Variants in PRKD3 observed in about 807,000 individuals in gnomAD.
PRKD3 encodes the protein protein kinase D3.
In PRKD3, 47 loss-of-function variants were observed where a neutral mutation model predicts 99.2. That is an observed-to-expected ratio of 0.47 (90% CI 0.38 to 0.60). PRKD3 has a LOEUF of 0.60. Among genes scored for constraint, PRKD3 ranks in the 20% least tolerant of loss-of-function variants. PRKD3 has a pLI of 0.00. For synonymous variants in PRKD3, 392 were observed against 355.4 expected, an observed-to-expected ratio of 1.10 and a Z score of -1.16; for missense variants, 1,019 against 1,088.4, an observed-to-expected ratio of 0.94 and a Z score of 0.90.
chr2:37,266,997 T>C (rs892989310), intron 14 of PRKD3, among the ~76,000 whole-genome samples: 1 of 152,204 alleles, frequency 6.6e-6, no homozygotes, highest in African/African-American at 2.4e-5. Context: ...ATTGCCAATA[T>C]ATCTTTAAAA....
rs749099250 is a variant in PRKD3, at chr2:37,253,183, ATCT to A, written c.2664_2666del (p.Glu888del). ...ATTTAGGTTAGCTCAGTGATTAAGG[ATCT>A]TCTTCCATATCATCTGGATTAGGAG... On this transcript the variant is annotated inframe_deletion, in exon 19 of 19. Transcript: ENST00000234179. The A allele has an allele frequency of 1.2e-6, 2 of 1,600,062 alleles. No individual in the cohort carries two copies. Among genetic ancestry groups the A allele is most frequent in the Non-Finnish European group, 1.7e-6 (2 of 1,172,066 alleles).
At chr2:37,291,490 T>C (rs529153431) in intron 3 of PRKD3, among the ~76,000 whole-genome samples, 4 of 152,318 alleles carry the variant, frequency 2.6e-5, no homozygotes, top group Admixed American at 2.6e-4. Flanking sequence ...TTAGTGAACG[T>C]CGGGACAGTA....
rs1212451920 is a variant in PRKD3 at position 37,252,353 on chromosome 2, G to T, written c.*824C>A. 6.6e-6 allele frequency: 1 copy of T among 152,188 alleles called. No homozygotes were observed. Among genetic ancestry groups the T allele is most frequent in the East Asian group, 1.9e-4 (1 of 5,200 alleles). The allele number at this position is 152,188 out of a possible 1,614,324, so 9.4% of individuals were successfully genotyped here. ...GGAATCCAGTACTGGCATCAAGATG[G>T]TGTCAGTCAGAACATGCATATTTAG... On this transcript the variant is annotated 3_prime_UTR_variant, in exon 19 of 19. Coordinates refer to ENST00000234179, the MANE Select transcript of PRKD3 (RefSeq NM_005813.6).
Position 37,286,698 on chromosome 2 carries a change from T to C in PRKD3, c.718-329A>G, listed in dbSNP as rs568616841. Among the ~76,000 whole-genome samples, 17 of 152,344 alleles carry C rather than the reference T, an allele frequency of 1.1e-4. No individual in the cohort carries two copies. The South Asian group carries it at 3.5e-3, about 32-fold the overall frequency. ...AAACAAATAAATGAAGAAAGTATTA[T>C]TGCTGCTCATTTTGCATTACTGAAT... is the stretch of plus-strand genomic sequence containing the variant. On this transcript the variant is annotated intron_variant, in intron 5 of 18. Transcript: ENST00000234179.
chr2:37,293,063 C>A, intron 3 of PRKD3, 70 bp downstream of exon 3: 1 of 1,360,298 alleles, frequency 7.4e-7, no homozygotes, highest in South Asian at 1.6e-5. Flanking sequence ...AATCGAATTG[C>A]AGCATTTAGT....
chr2:37,291,913 T>C (rs1362656501), intron 3 of PRKD3, among the ~76,000 whole-genome samples: 2 of 152,222 alleles, frequency 1.3e-5, no homozygotes, highest in Non-Finnish European at 2.9e-5. Context: ...TGCATTATTA[T>C]GGCATTCTTT....
At chr2:37,262,645 T>A (rs1668551771) in intron 14 of PRKD3, among the ~76,000 whole-genome samples, 2 of 151,706 alleles carry the variant, frequency 1.3e-5, no homozygotes, top group African/African-American at 4.9e-5. Context: ...AATGTGACTG[T>A]TTTGCTAGGC....
chr2:37,286,493 C>A (rs887198324), intron 5 of PRKD3, 124 bp from the exon 6 acceptor site: 2 of 763,690 alleles, frequency 2.6e-6, no homozygotes, highest in African/African-American at 3.5e-5. Context: ...AAATGTTGTT[C>A]TCAGCAGTTT....
chr2:37,312,367 C>A (rs557417816), intron 2 of PRKD3, among the ~76,000 whole-genome samples: 14 of 152,238 alleles, frequency 9.2e-5, no homozygotes, highest in African/African-American at 3.4e-4. Flanking sequence ...CAATAGTAGG[C>A]TGGGAGTGAA....
At chr2:37,294,458 T>C (rs1670588121) in intron 2 of PRKD3, among the ~76,000 whole-genome samples, 1 of 152,184 alleles carries the variant, frequency 6.6e-6, no homozygotes, top group Non-Finnish European at 1.5e-5. Flanking sequence ...ATTAGAAAGT[T>C]ACAAGTTTAT....
chr2:37,268,628 G>C lies in PRKD3; in HGVS notation c.1777+987C>G, dbSNP rs1242152720. 4.1e-5 allele frequency: 10 copies of C among 242,918 alleles called. No homozygotes were observed. The Admixed American group carries it at 4.9e-4, about 12-fold the overall frequency. 15.0% of individuals were successfully genotyped at this position (242,918 alleles called of 1,614,324 possible). On this transcript the variant is annotated intron_variant, in intron 13 of 18. Coordinates refer to ENST00000234179, the MANE Select transcript of PRKD3 (RefSeq NM_005813.6). ...TTATTTGATGGAGAAATAGGTACGG[G>C]GACAAGAAATTTCCACAGAGAAAGC...
chr2:37,299,691 C>CA (rs769745931), intron 2 of PRKD3, among the ~76,000 whole-genome samples: 1 of 151,810 alleles, frequency 6.6e-6, no homozygotes, highest in African/African-American at 2.4e-5. Flanking sequence ...TCAACAACAA[C>CA]AAAAAAAGAA....
At chr2:37,275,030 G>C (rs560110106) in intron 10 of PRKD3, among the ~76,000 whole-genome samples, 1 of 152,246 alleles carries the variant, frequency 6.6e-6, no homozygotes, top group East Asian at 1.9e-4. Context: ...TACTTATCTA[G>C]TGACTGTAGT....
intron 14 of PRKD3, among the ~76,000 whole-genome samples, chr2:37,261,122 A>G (rs1452436121): frequency 6.6e-6 from 1 of 152,222 alleles, no homozygotes; most frequent in East Asian, 1.9e-4. Flanking sequence ...ACCTGGTTTC[A>G]GTCTTCCAAT....
chr2:37,300,739 G>A (rs1325110009), intron 2 of PRKD3, among the ~76,000 whole-genome samples: 3 of 152,172 alleles, frequency 2.0e-5, no homozygotes, highest in African/African-American at 7.2e-5. Context: ...AATCTCTTGT[G>A]AGTATGAGCA....
intron 2 of PRKD3, among the ~76,000 whole-genome samples, chr2:37,295,282 A>C (rs1245862112): frequency 6.6e-6 from 1 of 152,146 alleles, no homozygotes; most frequent in East Asian, 1.9e-4. Flanking sequence ...CAAATAACAA[A>C]ATTAAAATAA....
chr2:37,258,542 G>A (rs1229274258), intron 16 of PRKD3, among the ~76,000 whole-genome samples: 1 of 152,160 alleles, frequency 6.6e-6, no homozygotes, highest in Non-Finnish European at 1.5e-5. Context: ...CACTAAAATA[G>A]AGGTCAGAAA....
chr2:37,264,872 C>T (rs1414072332), intron 14 of PRKD3, among the ~76,000 whole-genome samples: 1 of 152,046 alleles, frequency 6.6e-6, no homozygotes, highest in Non-Finnish European at 1.5e-5. Flanking sequence ...TTCTGTTAAA[C>T]AGAATTACAA....
intron 9 of PRKD3, among the ~76,000 whole-genome samples, chr2:37,276,512 T>C (rs1558545330): frequency 6.6e-6 from 1 of 152,128 alleles, no homozygotes; most frequent in Non-Finnish European, 1.5e-5. Flanking sequence ...TATTGCGTTA[T>C]GTTCTTTTTC....
Sources: gnomAD v4.1 joint callset for allele counts (sites outside exome capture counted in the v4.1 genomes callset) on GRCh38, gnomAD v4.1.1 for gene constraint, MANE v1.5 for transcripts, NCBI Gene and HGNC (gene_info 2026-07-23, HGNC 2026-07-21) for gene names.